Variants in STAP2 observed in about 807,000 individuals in gnomAD.
STAP2 encodes signal transducing adaptor family member 2.
STAP2 carries 58 observed loss-of-function variants against 52.7 expected under a neutral mutation model. That is an observed-to-expected ratio of 1.10 (90% confidence interval 0.89 to 1.37). STAP2 has a LOEUF of 1.37. STAP2 is among the 40% of genes most tolerant of loss of function. The pLI is 0.00. For missense variants in STAP2, 522 were observed against 519.4 expected (o/e 1.00, Z -0.05); for synonymous variants, 231 against 210.5 (o/e 1.10, Z -0.84).
intron 5 of STAP2, among the ~76,000 whole-genome samples, chr19:4,329,607 C>G (rs1270425798): frequency 1.3e-5 from 2 of 152,048 alleles, no homozygotes; most frequent in East Asian, 1.9e-4. Flanking sequence ...GGCCCCGCCT[C>G]TAGGGTCCCG....
intron 1 of STAP2, among the ~76,000 whole-genome samples, chr19:4,337,933 T>C (rs559987907): frequency 1.1e-4 from 16 of 151,726 alleles, no homozygotes; most frequent in South Asian, 1.0e-3. Context: ...GGCGGGAGGT[T>C]CACTTGAGCC....
At chr19:4,327,884 C>T (rs1971820419) in intron 6 of STAP2, among the ~76,000 whole-genome samples, 1 of 70 alleles carries the variant, frequency 0.014, no homozygotes, top group Non-Finnish European at 0.025. Flanking sequence ...TCTGACTTCG[C>T]CCCCAGGGCT....
At chr19:4,335,711 G>C (rs1476551299) in intron 1 of STAP2, among the ~76,000 whole-genome samples, 1 of 152,108 alleles carries the variant, frequency 6.6e-6, no homozygotes, top group Non-Finnish European at 1.5e-5. Flanking sequence ...TGTGCTGTTG[G>C]GCAAGTTATT....
At chr19:4,330,414 C>T (rs998491304) in intron 4 of STAP2, among the ~76,000 whole-genome samples, 4 of 151,548 alleles carry the variant, frequency 2.6e-5, no homozygotes, top group East Asian at 2.0e-4. Flanking sequence ...CCCAGCTACT[C>T]GGGAGGCTGG....
rs1971840189 is a variant in STAP2, at chr19:4,328,765, T to C, written c.500A>G (p.Glu167Gly). The C allele has an allele frequency of 1.2e-6, 2 of 1,610,860 alleles. No homozygotes were observed. Among genetic ancestry groups the C allele is most frequent in the Non-Finnish European group, 1.7e-6 (2 of 1,179,192 alleles). The change falls in exon 6 of 13, where the codon GAG becomes GGG. Residue 167 changes from glutamate to glycine, a missense_variant. Physicochemically the swap from Glu to Gly is moderately conservative, Grantham distance 98. Transcript: ENST00000594605. ...VSRLEAQLLLERYPECGNLLL... is the reference protein window; with the variant it reads ...VSRLEAQLLLGRYPECGNLLL... ...CAGGTTCCCGCACTCGGGGTAGCGC[T>C]CCAGGAGCAGTTGTGCCTCCAGCCG...
At position 4,327,185 on chromosome 19, in the gene STAP2, CACGAAATAGTTG is replaced by C. The variant is rs1451801617; in HGVS notation, c.690_701del (p.Asn231_Val234del). 6.2e-7 allele frequency: 1 copy of C among 1,614,022 alleles called. No individual in the cohort carries two copies. Among genetic ancestry groups the C allele is most frequent in the Non-Finnish European group, 8.5e-7 (1 of 1,180,026 alleles). On this transcript the variant is annotated inframe_deletion, in exon 8 of 13. Transcript: ENST00000594605. The stretch of plus-strand genomic sequence containing the variant: ...GCACCAGCGCCTTTTTGGTATGCGA[CACGAAATAGTTG>C]ACCACGGCGTCCAGGGAGGTGCAAG...
In STAP2 at chr19:4,327,378, C is replaced by A; in HGVS notation, c.598G>T (p.Val200Leu). The A allele has an allele frequency of 6.2e-7, 1 of 1,614,154 alleles. No homozygotes were observed. The highest frequency in any genetic ancestry group is 8.5e-7 in the Non-Finnish European group (1 of 1,179,984). Residue 200 changes from valine to leucine, a missense_variant, in exon 7 of 13, where the codon GTG (valine) becomes TTG (leucine). Transcript: ENST00000594605. ...TTRQMHNGTH[V>L]VRHYKVKREG... ...CGCTTCACCTTGTAATGCCGGACCA[C>A]GTGCGTCCTGCACCAGGAGAAAGCG...
intron 12 of STAP2, 58 bp from the exon 13 acceptor site, chr19:4,324,255 C>T (rs374241326): frequency 2.8e-5 from 42 of 1,516,656 alleles, no homozygotes; most frequent in Middle Eastern, 1.9e-4. Context: ...CCATGCCCAC[C>T]GCCCTGACAG....
At chr19:4,327,449 C>G in intron 6 of STAP2, 64 bp from the exon 7 acceptor site, 1 of 1,568,696 alleles carries the variant, frequency 6.4e-7, no homozygotes. Flanking sequence ...TCAGGGAAGG[C>G]CCCGCCCCAA....
Position 4,333,979 on chromosome 19 carries a change from G to A in STAP2, c.168C>T (p.Asp56=), listed in dbSNP as rs751286401. 1.2e-6 allele frequency: 2 copies of A among 1,613,058 alleles called. No homozygotes were observed. Among genetic ancestry groups the A allele is most frequent in the Non-Finnish European group, 8.5e-7 (1 of 1,179,608 alleles). Residue 56 remains aspartate, a synonymous_variant, in exon 2 of 13, where the codon GAC becomes GAT. Transcript: ENST00000594605. ...LTIYFYNSNR[D]FQHVEKLNLG... ...CCTCCATTCCCATCCTTACCTGGAA[G>A]TCCCGATTGCTATTGTAGAAATAAA...
Position 4,334,055 on chromosome 19 carries a change from G to C in STAP2, c.103-11C>G, listed in dbSNP as rs773440018. ...GAACTTCTTGTAATCCTAGGGACCA[G>C]AAGTGCAGAAAGAAGAGGTGAGCTG... On this transcript the variant is annotated splice_polypyrimidine_tract_variant and intron_variant, in intron 1 of 12. Transcript: ENST00000594605. The C allele has an allele frequency of 2.5e-6, 4 of 1,604,562 alleles. No homozygotes were observed. The African/African-American group carries it at 4.0e-5, about 16-fold the overall frequency.
chr19:4,332,515 A>G (rs1971910423), intron 3 of STAP2, among the ~76,000 whole-genome samples: 1 of 151,540 alleles, frequency 6.6e-6, no homozygotes. Context: ...TGATATTATG[A>G]TTTTTGATGT....
At chr19:4,324,340 A>G in intron 12 of STAP2, 115 bp downstream of exon 12, 2 of 1,301,836 alleles carry the variant, frequency 1.5e-6, no homozygotes, top group Non-Finnish European at 2.1e-6. Context: ...AAGAATTTCA[A>G]GACAGAGACA....
intron 9 of STAP2, 90 bp from the exon 10 acceptor site, chr19:4,325,635 C>T (rs56906294): frequency 0.077 from 109,854 of 1,418,622 alleles, 4,642 homozygotes; most frequent in African/African-American, 0.086. Flanking sequence ...TGCCTGGAGA[C>T]AGGCATGTGT....
chr19:4,327,435 C>T lies in STAP2; in HGVS notation c.591-50G>A, dbSNP rs1210810206. 4 of 1,603,116 alleles carry T rather than the reference C, an allele frequency of 2.5e-6. No homozygotes were observed. The South Asian group carries it at 4.4e-5, about 18-fold the overall frequency. ...TGGCTCAGCCCAGGCTCCCACACCG[C>T]CCCTCAGGGAAGGCCCCGCCCCAAC... On this transcript the variant is annotated intron_variant, in intron 6 of 12. Coordinates refer to ENST00000594605, the MANE Select transcript of STAP2 (RefSeq NM_001013841.2).
At chr19:4,326,876 A>AG in intron 9 of STAP2, 66 bp downstream of exon 9, 1 of 1,505,444 alleles carries the variant, frequency 6.6e-7, no homozygotes, top group Non-Finnish European at 9.0e-7. Flanking sequence ...AAACTGACTG[A>AG]GGGGGCGTGG....
intron 9 of STAP2, among the ~76,000 whole-genome samples, chr19:4,325,893 T>C (rs900566801): frequency 6.6e-6 from 1 of 150,910 alleles, no homozygotes; most frequent in Non-Finnish European, 1.5e-5. Flanking sequence ...CGCTTGAACC[T>C]GGGAGGGAGA....
rs369197190 is a variant in STAP2, at chr19:4,335,439, C to T, written c.103-1395G>A. Among the ~76,000 whole-genome samples, 22 of 152,006 alleles carry T rather than the reference C, an allele frequency of 1.4e-4. No homozygotes were observed. In the East Asian group the frequency reaches 4.3e-3, roughly 29 times the overall value. ...TCATCCATCCATCCACTCCCCCATC[C>T]ATCCATCCACCCACTTGTATATGCA... On this transcript the variant is annotated intron_variant, in intron 1 of 12. Coordinates refer to ENST00000594605, the MANE Select transcript of STAP2 (RefSeq NM_001013841.2).
intron 9 of STAP2, among the ~76,000 whole-genome samples, chr19:4,326,165 G>A (rs56045917): frequency 1.8e-3 from 273 of 152,274 alleles, no homozygotes; most frequent in African/African-American, 6.0e-3. Flanking sequence ...AGTTTGTGCC[G>A]GTGCACGGAC....
Sources: allele counts gnomAD v4.1 joint callset (sites outside exome capture counted in the v4.1 genomes callset), GRCh38; gene constraint gnomAD v4.1.1; transcripts MANE v1.5; gene names NCBI Gene and HGNC (gene_info 2026-07-23, HGNC 2026-07-21).